CSNK1G2: variants seen among roughly 807,000 people sequenced by gnomAD.
The protein encoded by CSNK1G2 is casein kinase I isoform gamma-2.
A neutral mutation model predicts 48.0 loss-of-function variants in CSNK1G2; 11 were observed. The ratio of observed to expected loss-of-function variants is 0.23; its 90% CI spans 0.14 to 0.38. CSNK1G2 has a LOEUF of 0.38. Ranked by LOEUF, CSNK1G2 falls within the 10% of genes least tolerant of loss-of-function variation. The probability of loss-of-function intolerance (pLI) is 1.00; values close to 1 mark genes in which losing one functional copy is unlikely to be tolerated. For missense variants in CSNK1G2, 446 were observed against 595.5 expected (o/e 0.75, Z 2.61); for synonymous variants, 337 against 254.1 (o/e 1.33, Z -3.10).
At chr19:1,960,746 G>T (rs1051044781) in intron 1 of CSNK1G2, among the ~76,000 whole-genome samples, 1 of 152,132 alleles carries the variant, frequency 6.6e-6, no homozygotes, top group Non-Finnish European at 1.5e-5. Context: ...AAAATTAACC[G>T]GGCATGGTGG....
In CSNK1G2 at chr19:1,978,699, G is replaced by T; in HGVS notation, c.396G>T (p.Leu132=). Residue 132 remains leucine, a synonymous_variant, in exon 5 of 12, where the codon CTG becomes CTT. Coordinates refer to ENST00000255641, the MANE Select transcript of CSNK1G2 (RefSeq NM_001319.7). The surrounding 1 kb of genome is among the most constrained non-coding windows in gnomAD (Gnocchi z 7.3). The part of the protein sequence containing the change: ...LGPSLEDLFD[L]CDRTFTLKTV... ...CCAGCCTGGAGGACCTGTTCGACCT[G>T]TGCGACCGGACCTTCACGCTCAAGA... is the stretch of plus-strand genomic sequence containing the variant. 1.2e-6 allele frequency: 2 copies of T among 1,605,420 alleles called. No homozygotes were observed. Among genetic ancestry groups the T allele is most frequent in the Non-Finnish European group, 1.7e-6 (2 of 1,176,398 alleles).
At chr19:1,976,167 T>G (rs987491509) in intron 2 of CSNK1G2, 1 of 1,162,040 alleles carries the variant, frequency 8.6e-7, no homozygotes, top group African/African-American at 1.6e-5. Context: ...GCACGGCTCC[T>G]GTTGTTTTAC....
intron 1 of CSNK1G2, among the ~76,000 whole-genome samples, chr19:1,967,454 A>G (rs1189554420): frequency 6.6e-6 from 1 of 152,146 alleles, no homozygotes; most frequent in Non-Finnish European, 1.5e-5. Context: ...CTGGAGCCCT[A>G]GAATGGGGCC....
intron 1 of CSNK1G2, among the ~76,000 whole-genome samples, chr19:1,969,224 GCCACCCACCCAC>G (rs58384015): frequency 4.8e-5 from 7 of 146,934 alleles, no homozygotes; most frequent in Admixed American, 1.4e-4. Context: ...TCCCACCTGT[GCCACCCACCCAC>G]CCACCCACCC....
At chr19:1,953,068 C>T (rs186967736) in intron 1 of CSNK1G2, 13 of 397,716 alleles carry the variant, frequency 3.3e-5, no homozygotes, top group Admixed American at 1.6e-4. Context: ...TTTCCACGGC[C>T]GTTCATGGTT....
chr19:1,973,675 C>T (rs1488925851), intron 2 of CSNK1G2, among the ~76,000 whole-genome samples: 1 of 152,178 alleles, frequency 6.6e-6, no homozygotes, highest in Admixed American at 6.6e-5. Context: ...TCTGCAGCCT[C>T]CAACCCCAGA....
chr19:1,975,461 CG>C, intron 2 of CSNK1G2: 1 of 985,464 alleles, frequency 1.0e-6, no homozygotes, highest in South Asian at 4.7e-5. Context: ...GAACTGGAGA[CG>C]GGAGGGCGTG....
At chr19:1,968,573 G>A (rs1038309113) in intron 1 of CSNK1G2, among the ~76,000 whole-genome samples, 1 of 152,214 alleles carries the variant, frequency 6.6e-6, no homozygotes. Flanking sequence ...GGGGCCCTCA[G>A]CTCTGGGCTC....
rs554047249 is a variant in CSNK1G2, at chr19:1,955,977, C to T, written c.-265-13531C>T. Among the ~76,000 whole-genome samples, 11 of 152,352 alleles carry T rather than the reference C, an allele frequency of 7.2e-5. 1 individual carries two copies. Among genetic ancestry groups the T allele is most frequent in the African/African-American group, 2.2e-4 (9 of 41,586 alleles). On this transcript the variant is annotated intron_variant, in intron 1 of 11. Coordinates refer to ENST00000255641, the MANE Select transcript of CSNK1G2 (RefSeq NM_001319.7). ...ACAGACGCCAGCGGGGCAGCCTGCT[C>T]GTTGGCCGGGCGGAGCAGGGTCGGC... is the stretch of plus-strand genomic sequence containing the variant.
chr19:1,952,933 G>C (rs367874771), intron 1 of CSNK1G2: 3 of 443,884 alleles, frequency 6.8e-6, no homozygotes, highest in African/African-American at 6.5e-5. Context: ...GAGGGAAACC[G>C]GGGCGGGATG....
At chr19:1,971,514 C>T (rs909479331) in intron 2 of CSNK1G2, among the ~76,000 whole-genome samples, 22 of 152,274 alleles carry the variant, frequency 1.4e-4, no homozygotes, top group Non-Finnish European at 2.8e-4. Flanking sequence ...GACATGTACA[C>T]ACGTGCCCAC....
chr19:1,979,119 GCGGGCGCCCGGAC>G, intron 6 of CSNK1G2, 26 bp downstream of exon 6: 1 of 1,575,590 alleles, frequency 6.3e-7, no homozygotes. Context: ...GCGGCGGGGG[GCGGGCGCCCGGAC>G]CCCGCTGAGG....
intron 1 of CSNK1G2, among the ~76,000 whole-genome samples, chr19:1,956,545 G>A (rs79526197): frequency 4.6e-5 from 7 of 152,170 alleles, no homozygotes; most frequent in South Asian, 2.1e-4. Flanking sequence ...CATCCTAGCC[G>A]GCAAGGCCAC....
At chr19:1,948,219 C>T (rs117285549) in intron 1 of CSNK1G2, among the ~76,000 whole-genome samples, 3,772 of 152,252 alleles carry the variant, frequency 0.025, 78 homozygotes, top group Non-Finnish European at 0.036. Flanking sequence ...GGGCTCACAG[C>T]GTTTCTTAAA....
intron 2 of CSNK1G2, among the ~76,000 whole-genome samples, chr19:1,972,198 C>T (rs1184342316): frequency 6.6e-6 from 1 of 152,228 alleles, no homozygotes; most frequent in East Asian, 1.9e-4. Flanking sequence ...CATCGGAGGA[C>T]ACACCAGCCC....
In CSNK1G2 at chr19:1,979,550, C is replaced by G. The variant is rs200803486; in HGVS notation, c.909C>G (p.Pro303=). Reference sequence around the variant, plus strand: ...GGCGCCTGGACTTCTTCGAGAAGCCCGACTATGACTACCTGCGGAAGCTCT... The same window carrying G: ...GGCGCCTGGACTTCTTCGAGAAGCCGGACTATGACTACCTGCGGAAGCTCT... ...YVRRLDFFEK[P]DYDYLRKLFT... Residue 303 remains proline, a synonymous_variant, in exon 9 of 12, where the codon CCC becomes CCG. Coordinates refer to ENST00000255641, the MANE Select transcript of CSNK1G2 (RefSeq NM_001319.7). The G allele has an allele frequency of 1.9e-6, 3 of 1,608,774 alleles. No homozygotes were observed. The highest frequency in any genetic ancestry group is 8.5e-7 in the Non-Finnish European group (1 of 1,179,770).
intron 2 of CSNK1G2, among the ~76,000 whole-genome samples, chr19:1,971,677 T>C (rs959358476): frequency 3.9e-5 from 6 of 152,022 alleles, no homozygotes; most frequent in African/African-American, 1.4e-4. Context: ...CCCAGATGGC[T>C]ATGTGGGTCC....
At chr19:1,944,743 A>G (rs1325360905) in intron 1 of CSNK1G2, among the ~76,000 whole-genome samples, 2 of 151,174 alleles carry the variant, frequency 1.3e-5, no homozygotes, top group Admixed American at 6.6e-5. Flanking sequence ...GCTCAAAGTG[A>G]GGGTCTGGGA....
In CSNK1G2 at chr19:1,949,576, G is replaced by A. The variant is rs529019852; in HGVS notation, c.-266+8158G>A. 3.9e-5 allele frequency among the ~76,000 whole-genome samples: 6 copies of A among 152,292 alleles called. No homozygotes were observed. In the South Asian group the frequency reaches 1.2e-3, roughly 32 times the overall value. On this transcript the variant is annotated intron_variant, in intron 1 of 11. Coordinates refer to ENST00000255641, the MANE Select transcript of CSNK1G2 (RefSeq NM_001319.7). ...CATGGCATCCGCGTGTGGCTGCTGC[G>A]AGCACCCGTGTCCGGTTCCCGTGTG...
Sources: allele counts gnomAD v4.1 joint callset (sites outside exome capture counted in the v4.1 genomes callset), GRCh38; gene constraint gnomAD v4.1.1; non-coding constraint Gnocchi (gnomAD v3.1); transcripts MANE v1.5; gene names NCBI Gene and HGNC (gene_info 2026-07-23, HGNC 2026-07-21).